PDE6A: variants seen among roughly 807,000 people sequenced by gnomAD.
PDE6A encodes the protein phosphodiesterase 6A, also known as rod cGMP-specific 3',5'-cyclic phosphodiesterase subunit alpha.
Under a neutral mutation model 106.3 loss-of-function variants are expected in PDE6A, and 84 were observed. The observed-to-expected ratio is 0.79, with a 90% CI of 0.66 to 0.95. The LOEUF (loss-of-function observed/expected upper bound fraction) is 0.95, where lower values mean the gene tolerates loss of function less well. Ranked by LOEUF, PDE6A falls within the 40% of genes least tolerant of loss-of-function variation. The pLI is 0.00. For synonymous variants in PDE6A, 394 were observed against 386.6 expected (o/e 1.02, Z -0.23); for missense variants, 1,052 against 1,084.9 (o/e 0.97, Z 0.43).
intron 8 of PDE6A, among the ~76,000 whole-genome samples, chr5:149,901,428 T>C (rs560541990): frequency 5.3e-5 from 8 of 152,200 alleles, no homozygotes; most frequent in African/African-American, 1.9e-4. Context: ...CTCAGGAGGC[T>C]GAAGCAGCAG....
chr5:149,895,613 A>G (rs1752715102), intron 12 of PDE6A, among the ~76,000 whole-genome samples: 1 of 151,702 alleles, frequency 6.6e-6, no homozygotes, highest in African/African-American at 2.4e-5. Flanking sequence ...TCCTTGGAGA[A>G]GCTAACAAGG....
chr5:149,911,759 G>A (rs940083235), intron 6 of PDE6A, among the ~76,000 whole-genome samples: 1 of 150,082 alleles, frequency 6.7e-6, no homozygotes, highest in African/African-American at 2.5e-5. Context: ...AGCACTTTGG[G>A]AGGCTAAGTT....
intron 4 of PDE6A, among the ~76,000 whole-genome samples, chr5:149,925,060 C>A (rs893481574): frequency 6.6e-6 from 1 of 152,174 alleles, no homozygotes; most frequent in Admixed American, 6.6e-5. Context: ...GGTTCTCTGC[C>A]TTTACCCCAA....
chr5:149,895,652 A>G (rs987460747), intron 12 of PDE6A, among the ~76,000 whole-genome samples: 2 of 152,124 alleles, frequency 1.3e-5, no homozygotes, highest in Non-Finnish European at 2.9e-5. Context: ...AAACAAAAAC[A>G]AAAGGACTCT....
chr5:149,915,566 G>A (rs1190410066), intron 5 of PDE6A, among the ~76,000 whole-genome samples: 2 of 152,140 alleles, frequency 1.3e-5, no homozygotes, highest in African/African-American at 2.4e-5. Flanking sequence ...AGAATTCAGC[G>A]TGCTTCACCT....
chr5:149,916,472 G>C (rs1753557128), intron 5 of PDE6A, among the ~76,000 whole-genome samples: 1 of 152,096 alleles, frequency 6.6e-6, no homozygotes, highest in Non-Finnish European at 1.5e-5. Flanking sequence ...TCTCTTTGCT[G>C]TGTCGTCACT....
At chr5:149,906,177 G>A (rs1753169786) in intron 7 of PDE6A, among the ~76,000 whole-genome samples, 1 of 151,860 alleles carries the variant, frequency 6.6e-6, no homozygotes, top group African/African-American at 2.4e-5. Context: ...TTTCTAAAAT[G>A]AAAATTGACT....
At chr5:149,861,029 C>T (rs963386759) in intron 21 of PDE6A, 58 bp from the exon 22 acceptor site, 4 of 1,496,964 alleles carry the variant, frequency 2.7e-6, no homozygotes, top group Non-Finnish European at 3.7e-6. Context: ...GTGGGCTTCC[C>T]CTTTGACCTA....
chr5:149,874,746 C>T (rs767469122), intron 17 of PDE6A, among the ~76,000 whole-genome samples: 16 of 152,240 alleles, frequency 1.1e-4, no homozygotes, highest in Admixed American at 5.2e-4. Context: ...CAAGAGTCAT[C>T]CCATCAGAAC....
chr5:149,944,060 G>A, intron 1 of PDE6A, 140 bp downstream of exon 1: 1 of 666,524 alleles, frequency 1.5e-6, no homozygotes. Context: ...AGAATTATGA[G>A]TAAATATGTA....
chr5:149,907,658 A>T (rs747415844), intron 6 of PDE6A, among the ~76,000 whole-genome samples: 2 of 152,202 alleles, frequency 1.3e-5, no homozygotes, highest in Non-Finnish European at 2.9e-5. Flanking sequence ...CCTGCTGCTG[A>T]GCAGAAACAA....
chr5:149,906,335 G>A (rs575433857), intron 7 of PDE6A, among the ~76,000 whole-genome samples: 1 of 151,340 alleles, frequency 6.6e-6, no homozygotes, highest in African/African-American at 2.4e-5. Context: ...AAACCAGCCT[G>A]GCTAACATGG....
At chr5:149,909,123 G>C (rs911927254) in intron 6 of PDE6A, among the ~76,000 whole-genome samples, 3 of 151,898 alleles carry the variant, frequency 2.0e-5, no homozygotes, top group Non-Finnish European at 2.9e-5. Flanking sequence ...AGTCTCCCAA[G>C]TAGCCAGGAT....
chr5:149,866,991 G>C (rs766351505), intron 19 of PDE6A: 1 of 155,014 alleles, frequency 6.5e-6, no homozygotes, highest in African/African-American at 2.4e-5. Flanking sequence ...GGCCCTTCAC[G>C]TGTTTCTTCA....
At chr5:149,922,405 G>A (rs1199230811) in intron 4 of PDE6A, among the ~76,000 whole-genome samples, 5 of 151,954 alleles carry the variant, frequency 3.3e-5, no homozygotes, top group African/African-American at 9.7e-5. Context: ...TCCACCTCCC[G>A]GGTTCTAGCA....
intron 17 of PDE6A, among the ~76,000 whole-genome samples, chr5:149,877,444 C>G (rs867498373): frequency 6.6e-6 from 1 of 152,184 alleles, no homozygotes; most frequent in Non-Finnish European, 1.5e-5. Context: ...GAGTCTCACT[C>G]TGTCACCCAG....
In PDE6A at chr5:149,944,246, T is replaced by G. The variant is rs777499795; in HGVS notation, c.428A>C (p.His143Pro). The G allele has an allele frequency of 3.1e-6, 5 of 1,613,888 alleles. No homozygotes were observed. In the African/African-American group the frequency reaches 4.0e-5, roughly 13 times the overall value. The change falls in exon 1 of 22, where the codon CAT becomes CCT. Residue 143 changes from histidine to proline, a missense_variant. By Grantham distance (77) the His-to-Pro change is moderately conservative. Coordinates refer to ENST00000255266, the MANE Select transcript of PDE6A (RefSeq NM_000440.3). ...AGCAATCTTCTTAGAGTGTGCGACATGGCCCACGATGCCCATGTCCAAAGG... is the reference window on the plus strand; with the variant it reads ...AGCAATCTTCTTAGAGTGTGCGACAGGGCCCACGATGCCCATGTCCAAAGG... The part of the protein sequence containing the change: ...VFPLDMGIVG[H>P]VAHSKKIANV...
intron 6 of PDE6A, among the ~76,000 whole-genome samples, chr5:149,912,518 A>G (rs554278169): frequency 6.6e-6 from 1 of 152,238 alleles, no homozygotes; most frequent in East Asian, 1.9e-4. Flanking sequence ...TATAAGTGCT[A>G]TGTGTGTGTC....
In PDE6A at chr5:149,913,605, T is replaced by C. The variant is rs575042473; in HGVS notation, c.998+1338A>G. Among the ~76,000 whole-genome samples, 39 of 152,166 alleles carry C rather than the reference T, an allele frequency of 2.6e-4. No homozygotes were observed. In the South Asian group the frequency reaches 6.9e-3, roughly 27 times the overall value. On this transcript the variant is annotated intron_variant, in intron 6 of 21. Transcript: ENST00000255266. ...GCCTATCACACCCACTTCTTGAAGA[T>C]TAAGTTGGCATGCAGTAAATCCCTT... is the stretch of plus-strand genomic sequence containing the variant.
Sources: allele counts gnomAD v4.1 joint callset (sites outside exome capture counted in the v4.1 genomes callset), GRCh38; gene constraint gnomAD v4.1.1; transcripts MANE v1.5; gene names NCBI Gene and HGNC (gene_info 2026-07-23, HGNC 2026-07-21).